OXR1: variants seen among roughly 807,000 people sequenced by gnomAD.
The protein encoded by OXR1 is oxidation resistance 1.
Under a neutral mutation model 104.6 loss-of-function variants are expected in OXR1, and 41 were observed. That is an observed-to-expected ratio of 0.39 (90% CI 0.31 to 0.51). OXR1 has a LOEUF of 0.51. Ranked by LOEUF, OXR1 falls within the 20% of genes least tolerant of loss-of-function variation. OXR1 has a pLI of 0.77. For missense variants in OXR1, 955 were observed against 1,031.9 expected, an observed-to-expected ratio of 0.93 and a Z score of 1.02; for synonymous variants, 348 against 348.4, an observed-to-expected ratio of 1.00 and a Z score of 0.01.
intron 2 of OXR1, among the ~76,000 whole-genome samples, chr8:106,502,249 AT>A (rs1374653005): frequency 1.3e-5 from 2 of 152,226 alleles, no homozygotes; most frequent in South Asian, 2.1e-4. Flanking sequence ...ATTCCTAATA[AT>A]TTTTTAACAA....
chr8:106,562,133 G>A (rs1256667850), intron 3 of OXR1, among the ~76,000 whole-genome samples: 1 of 152,052 alleles, frequency 6.6e-6, no homozygotes, highest in Non-Finnish European at 1.5e-5. Flanking sequence ...TTGACAAATT[G>A]ACAGAAGTAG....
intron 2 of OXR1, among the ~76,000 whole-genome samples, chr8:106,510,195 T>G (rs1287060910): frequency 6.6e-6 from 1 of 152,240 alleles, no homozygotes; most frequent in Admixed American, 6.5e-5. Flanking sequence ...GGTTTTTATA[T>G]GTAGACATGC....
At chr8:106,292,722 C>T (rs1028558481) in intron 1 of OXR1, among the ~76,000 whole-genome samples, 1 of 152,074 alleles carries the variant, frequency 6.6e-6, no homozygotes, top group Non-Finnish European at 1.5e-5. Context: ...TGAAGATTGA[C>T]CTGAGAGTAG....
At chr8:106,498,230 T>C (rs1453423800) in intron 2 of OXR1, among the ~76,000 whole-genome samples, 1 of 152,206 alleles carries the variant, frequency 6.6e-6, no homozygotes, top group Non-Finnish European at 1.5e-5. Context: ...ATCAAGTATC[T>C]ACACTTATTA....
chr8:106,655,553 G>A (rs1415422825), intron 3 of OXR1, among the ~76,000 whole-genome samples: 2 of 152,098 alleles, frequency 1.3e-5, no homozygotes, highest in African/African-American at 4.8e-5. Flanking sequence ...AAGCAAGGTA[G>A]GGAGAGCAAC....
At chr8:106,690,253 TACC>T (rs1458344898) in intron 6 of OXR1, among the ~76,000 whole-genome samples, 2 of 150,944 alleles carry the variant, frequency 1.3e-5, no homozygotes, top group Non-Finnish European at 3.0e-5. Flanking sequence ...TAAATATCAA[TACC>T]ACTCAAATGT....
chr8:106,740,712 G>A (rs1293415534), intron 14 of OXR1, among the ~76,000 whole-genome samples: 1 of 152,134 alleles, frequency 6.6e-6, no homozygotes, highest in Non-Finnish European at 1.5e-5. Context: ...TTATAGAGTG[G>A]TAGAAAAGAA....
chr8:106,572,586 C>T (rs777088551), intron 3 of OXR1, among the ~76,000 whole-genome samples: 2 of 152,200 alleles, frequency 1.3e-5, no homozygotes, highest in Non-Finnish European at 2.9e-5. Context: ...CTGCTGAACA[C>T]TGAATTTCAT....
intron 3 of OXR1, among the ~76,000 whole-genome samples, chr8:106,655,224 C>T (rs996491001): frequency 9.2e-5 from 14 of 151,754 alleles, no homozygotes; most frequent in African/African-American, 3.1e-4. Context: ...TTGATGATGG[C>T]TTTATAACCC....
At chr8:106,678,582 C>T (rs975454187) in intron 3 of OXR1, among the ~76,000 whole-genome samples, 10 of 151,844 alleles carry the variant, frequency 6.6e-5, no homozygotes, top group South Asian at 2.1e-4. Context: ...GAAGCAGTTT[C>T]GCTAATCTTG....
chr8:106,608,836 G>A (rs1330347119), intron 3 of OXR1, among the ~76,000 whole-genome samples: 1 of 152,166 alleles, frequency 6.6e-6, no homozygotes, highest in East Asian at 1.9e-4. Context: ...GGTCATGTTA[G>A]GTTTGGAATG....
chr8:106,485,840 G>A (rs1810614103), intron 2 of OXR1, among the ~76,000 whole-genome samples: 1 of 151,886 alleles, frequency 6.6e-6, no homozygotes, highest in African/African-American at 2.4e-5. Context: ...ATTATGTTAA[G>A]TGAAATAAGC....
At chr8:106,480,748 A>G (rs1198926728) in intron 2 of OXR1, among the ~76,000 whole-genome samples, 1 of 151,992 alleles carries the variant, frequency 6.6e-6, no homozygotes, top group East Asian at 1.9e-4. Context: ...CAGTCACATA[A>G]GATTTCTGAG....
rs371516103 is a variant in OXR1 at position 106,707,127 on chromosome 8, G to T, written c.1606G>T (p.Ala536Ser). ...AGAAGCTAAGCATAAAATTACATCTGCTGATGGACACATAGAAAGTAAGTG... is the reference window on the plus strand; with the variant it reads ...AGAAGCTAAGCATAAAATTACATCTTCTGATGGACACATAGAAAGTAAGTG... ...QKEAKHKITS[A>S]DGHIESSALL... is the part of the protein sequence containing the mutation. Residue 536 changes from alanine to serine, a missense_variant, in exon 9 of 17, where the codon GCT (alanine) becomes TCT (serine). Physicochemically the swap from Ala to Ser is moderately conservative, Grantham distance 99. This residue lies in a region of OXR1 where 849 missense variants were observed against 852.9 expected (regional missense o/e 1.00). Coordinates refer to ENST00000517566, the MANE Select transcript of OXR1 (RefSeq NM_001198533.2). 5 of 1,613,472 alleles carry T rather than the reference G, an allele frequency of 3.1e-6. No homozygotes were observed. The African/African-American group carries it at 5.3e-5, about 17-fold the overall frequency.
intron 2 of OXR1, among the ~76,000 whole-genome samples, chr8:106,378,036 A>G (rs1417502851): frequency 6.6e-6 from 1 of 152,194 alleles, no homozygotes; most frequent in Non-Finnish European, 1.5e-5. Flanking sequence ...TCATGTGGTT[A>G]TCAAATACCA....
intron 2 of OXR1, among the ~76,000 whole-genome samples, chr8:106,395,230 A>G (rs1302320468): frequency 6.6e-6 from 1 of 152,178 alleles, no homozygotes; most frequent in Non-Finnish European, 1.5e-5. Context: ...TAAAATAAGC[A>G]AAGGGGGCAG....
At chr8:106,656,477 T>A (rs973087673) in intron 3 of OXR1, 3 of 152,250 alleles carry the variant, frequency 2.0e-5, no homozygotes, top group African/African-American at 7.2e-5. Context: ...CATCTCCTAA[T>A]ACCATCACAT....
intron 2 of OXR1, among the ~76,000 whole-genome samples, chr8:106,367,228 A>AT (rs1417897150): frequency 2.6e-5 from 4 of 151,410 alleles, no homozygotes; most frequent in African/African-American, 4.9e-5. Flanking sequence ...TGCCCGGCTA[A>AT]TTTTTTTGTA....
intron 2 of OXR1, among the ~76,000 whole-genome samples, chr8:106,420,108 A>G (rs1252880010): frequency 6.6e-6 from 1 of 152,262 alleles, no homozygotes; most frequent in East Asian, 1.9e-4. Flanking sequence ...GAAAGGAAAA[A>G]TATTTATTAT....
Sources: gnomAD v4.1 joint callset for allele counts (sites outside exome capture counted in the v4.1 genomes callset) on GRCh38, gnomAD v4.1.1 for gene constraint, gnomAD v4.1.1 regional missense constraint, MANE v1.5 for transcripts, NCBI Gene and HGNC (gene_info 2026-07-23, HGNC 2026-07-21) for gene names.